Variants in DPYD observed in about 807,000 individuals in gnomAD.
DPYD encodes dihydropyrimidine dehydrogenase, also known as dihydropyrimidine dehydrogenase [NADP(+)].
DPYD carries 109 observed loss-of-function variants against 116.2 expected under a neutral mutation model. The ratio of observed to expected loss-of-function variants is 0.94; its 90% CI spans 0.80 to 1.10. The LOEUF is 1.10. DPYD is among the 50% of genes least tolerant of loss of function. The probability of loss-of-function intolerance (pLI) is 0.00; values close to 1 mark genes in which losing one functional copy is unlikely to be tolerated. For synonymous variants in DPYD, 440 were observed against 432.0 expected (o/e 1.02, Z -0.23); for missense variants, 1,302 against 1,254.5 (o/e 1.04, Z -0.57).
At chr1:97,375,029 CAA>C (rs35693384) in intron 15 of DPYD, among the ~76,000 whole-genome samples, 15 of 116,054 alleles carry the variant, frequency 1.3e-4, no homozygotes, top group Admixed American at 4.9e-4. Flanking sequence ...ACTCCAGTTC[CAA>C]AAAAAAAAAA....
In DPYD at chr1:97,687,894, A is replaced by G. The variant is rs115707517; in HGVS notation, c.762+3823T>C. ...ACAGAAATGGAAAACCAAACACTGCATGATCTCACTTACAAGTGGAAGCTG... is the reference window on the plus strand; with the variant it reads ...ACAGAAATGGAAAACCAAACACTGCGTGATCTCACTTACAAGTGGAAGCTG... On this transcript the variant is annotated intron_variant, in intron 7 of 22. Transcript: ENST00000370192. 2.7e-3 allele frequency among the ~76,000 whole-genome samples: 411 copies of G among 152,330 alleles called. 1 individual carries two copies. Among genetic ancestry groups the G allele is most frequent in the Non-Finnish European group, 4.5e-3 (305 of 68,036 alleles).
chr1:97,536,309 G>C (rs992038824), intron 12 of DPYD, among the ~76,000 whole-genome samples: 15 of 152,102 alleles, frequency 9.9e-5, no homozygotes, highest in African/African-American at 3.6e-4. Flanking sequence ...TCTTTTTATT[G>C]ATATTCATTG....
intron 16 of DPYD, among the ~76,000 whole-genome samples, chr1:97,364,536 C>CT (rs569172091): frequency 2.0e-5 from 3 of 152,018 alleles, no homozygotes; most frequent in Admixed American, 6.6e-5. Context: ...TTAAACAAAA[C>CT]TTTTTTTTGG....
intron 20 of DPYD, among the ~76,000 whole-genome samples, chr1:97,157,122 TGG>T (rs1422963027): frequency 1.9e-5 from 1 of 53,382 alleles, no homozygotes; most frequent in East Asian, 6.8e-4. Flanking sequence ...TGTTGTGGGG[TGG>T]GGGGAGGGGG....
chr1:97,292,722 GCACACACACA>G (rs71765073), intron 18 of DPYD, among the ~76,000 whole-genome samples: 2 of 149,936 alleles, frequency 1.3e-5, no homozygotes, highest in African/African-American at 4.9e-5. Context: ...ACACGCGCGA[GCACACACACA>G]CACACACACA....
At chr1:97,271,082 G>A (rs1289698593) in intron 18 of DPYD, among the ~76,000 whole-genome samples, 4 of 152,190 alleles carry the variant, frequency 2.6e-5, no homozygotes, top group Admixed American at 1.3e-4. Flanking sequence ...AGAATTCATA[G>A]AGAAGGTTTG....
intron 8 of DPYD, among the ~76,000 whole-genome samples, chr1:97,670,683 T>G (rs1398830955): frequency 1.3e-5 from 2 of 152,124 alleles, no homozygotes; most frequent in African/African-American, 4.8e-5. Flanking sequence ...ATATGTTCAC[T>G]AATAACCCCT....
At chr1:97,697,336 A>G (rs1274981633) in intron 6 of DPYD, among the ~76,000 whole-genome samples, 1 of 152,006 alleles carries the variant, frequency 6.6e-6, no homozygotes, top group Non-Finnish European at 1.5e-5. Flanking sequence ...AGAAGGAAAG[A>G]TAAAACTTGA....
At chr1:97,250,472 AC>A (rs1358798770) in intron 18 of DPYD, among the ~76,000 whole-genome samples, 2 of 152,148 alleles carry the variant, frequency 1.3e-5, no homozygotes, top group African/African-American at 4.8e-5. Flanking sequence ...ACAGCTCAAA[AC>A]TGGAAACAAC....
intron 15 of DPYD, among the ~76,000 whole-genome samples, chr1:97,376,755 G>A (rs1169467210): frequency 6.6e-6 from 1 of 151,876 alleles, no homozygotes; most frequent in Non-Finnish European, 1.5e-5. Context: ...TCACCTAAAT[G>A]GTTATAAAAT....
At chr1:97,310,304 T>C (rs748754611) in intron 16 of DPYD, among the ~76,000 whole-genome samples, 2 of 151,764 alleles carry the variant, frequency 1.3e-5, no homozygotes, top group African/African-American at 2.4e-5. Flanking sequence ...AGAAGATCAA[T>C]CTGAGTACCA....
At chr1:97,339,464 C>A (rs574051017) in intron 16 of DPYD, among the ~76,000 whole-genome samples, 1 of 151,988 alleles carries the variant, frequency 6.6e-6, no homozygotes, top group African/African-American at 2.4e-5. Context: ...AAAGATTATG[C>A]GACTATGTTA....
chr1:97,166,814 T>A (rs2101758446), intron 20 of DPYD, among the ~76,000 whole-genome samples: 1 of 152,278 alleles, frequency 6.6e-6, no homozygotes, highest in Non-Finnish European at 1.5e-5. Context: ...TCTCCAGACA[T>A]AAGCAAGAAT....
chr1:97,712,027 T>A (rs913929108), intron 5 of DPYD, among the ~76,000 whole-genome samples: 3 of 152,054 alleles, frequency 2.0e-5, no homozygotes, highest in African/African-American at 7.2e-5. Context: ...TCCCTTTATC[T>A]TGAAGTTCTG....
intron 2 of DPYD, among the ~76,000 whole-genome samples, chr1:97,862,784 T>C (rs760256325): frequency 3.3e-5 from 5 of 151,892 alleles, no homozygotes; most frequent in Non-Finnish European, 5.9e-5. Context: ...TGACCTAATA[T>C]TATATCAAAT....
intron 10 of DPYD, among the ~76,000 whole-genome samples, chr1:97,583,371 G>A (rs1162539131): frequency 6.6e-6 from 1 of 152,022 alleles, no homozygotes; most frequent in Non-Finnish European, 1.5e-5. Flanking sequence ...CAATGTGCAG[G>A]TTAGTTACAT....
At chr1:97,896,493 G>A (rs1365910967) in intron 1 of DPYD, among the ~76,000 whole-genome samples, 1 of 151,684 alleles carries the variant, frequency 6.6e-6, no homozygotes, top group Non-Finnish European at 1.5e-5. Flanking sequence ...ATATTTAAGT[G>A]ACTTTATTTT....
chr1:97,425,363 C>T (rs888241966), intron 14 of DPYD, among the ~76,000 whole-genome samples: 7 of 151,904 alleles, frequency 4.6e-5, no homozygotes, highest in Non-Finnish European at 8.8e-5. Flanking sequence ...GATATTTCAG[C>T]ATAACATTAT....
intron 16 of DPYD, among the ~76,000 whole-genome samples, chr1:97,329,261 CTT>C (rs1668858767): frequency 6.6e-6 from 1 of 152,114 alleles, no homozygotes; most frequent in Non-Finnish European, 1.5e-5. Flanking sequence ...ATGTCACTAA[CTT>C]TGAATTATCC....
Sources: gnomAD v4.1 joint callset for allele counts (sites outside exome capture counted in the v4.1 genomes callset) on GRCh38, gnomAD v4.1.1 for gene constraint, MANE v1.5 for transcripts, NCBI Gene and HGNC (gene_info 2026-07-23, HGNC 2026-07-21) for gene names.